The following BICC1 variants were observed in gnomAD, a reference collection of about 807,000 sequenced individuals.
BICC1 encodes the protein protein bicaudal C homolog 1.
In BICC1, 43 loss-of-function variants were observed where a neutral mutation model predicts 111.0. That is an observed-to-expected ratio of 0.39 (90% confidence interval 0.30 to 0.50). The LOEUF (loss-of-function observed/expected upper bound fraction) is 0.50, where lower values mean the gene tolerates loss of function less well. Ranked by LOEUF, BICC1 falls within the 20% of genes least tolerant of loss-of-function variation. BICC1 has a pLI of 0.88. For synonymous variants in BICC1, 467 were observed against 434.4 expected (o/e 1.07, Z -0.93); for missense variants, 1,091 against 1,203.2 (o/e 0.91, Z 1.38).
chr10:58,696,120 A>G (rs1840057803), intron 2 of BICC1, among the ~76,000 whole-genome samples: 1 of 152,170 alleles, frequency 6.6e-6, no homozygotes, highest in Non-Finnish European at 1.5e-5. Flanking sequence ...CTGAAAAGAA[A>G]ACAGGTACAT....
intron 1 of BICC1, among the ~76,000 whole-genome samples, chr10:58,530,416 G>C (rs937659135): frequency 3.3e-5 from 5 of 151,806 alleles, no homozygotes; most frequent in Non-Finnish European, 7.4e-5. Flanking sequence ...CCCTCCTTGA[G>C]GAGAGTCAAG....
In BICC1 at chr10:58,588,725, A is replaced by T. The variant is rs575933776; in HGVS notation, c.191-32130A>T. The stretch of plus-strand genomic sequence containing the variant: ...TGTGGCTTTAAGGTAGTAAAAACGC[A>T]TCCCTATGTTGCTTTGAGTATACAA... On this transcript the variant is annotated intron_variant, in intron 1 of 20. Coordinates refer to ENST00000373886, the MANE Select transcript of BICC1 (RefSeq NM_001080512.3). 4.6e-5 allele frequency among the ~76,000 whole-genome samples: 7 copies of T among 152,276 alleles called. No homozygotes were observed. In the South Asian group the frequency reaches 1.5e-3, roughly 32 times the overall value.
chr10:58,734,873 CAGAA>C (rs944284494), intron 3 of BICC1, among the ~76,000 whole-genome samples: 1 of 152,144 alleles, frequency 6.6e-6, no homozygotes, highest in African/African-American at 2.4e-5. Flanking sequence ...GCAAGAGCAG[CAGAA>C]AGAGTCAGCC....
intron 1 of BICC1, among the ~76,000 whole-genome samples, chr10:58,590,728 A>G (rs1844586683): frequency 6.6e-6 from 1 of 152,172 alleles, no homozygotes; most frequent in African/African-American, 2.4e-5. Flanking sequence ...AAGTGGCTTC[A>G]CTTACCTCAG....
intron 3 of BICC1, among the ~76,000 whole-genome samples, chr10:58,763,944 G>A (rs1312378675): frequency 6.6e-6 from 1 of 152,100 alleles, no homozygotes; most frequent in East Asian, 1.9e-4. Flanking sequence ...AAGAGCAGAG[G>A]CAGAGAAGAC....
At chr10:58,543,738 C>A (rs1392556676) in intron 1 of BICC1, among the ~76,000 whole-genome samples, 1 of 150,970 alleles carries the variant, frequency 6.6e-6, no homozygotes, top group African/African-American at 2.4e-5. Context: ...GAACTTCTGG[C>A]CTCAAGCGAT....
At chr10:58,650,336 T>G (rs2132247690) in intron 2 of BICC1, 1 of 152,324 alleles carries the variant, frequency 6.6e-6, no homozygotes, top group East Asian at 1.9e-4. Context: ...GTGTTACATT[T>G]CACTGGACTG....
intron 1 of BICC1, among the ~76,000 whole-genome samples, chr10:58,554,794 A>T: frequency 6.9e-6 from 1 of 144,702 alleles, no homozygotes; most frequent in African/African-American, 2.5e-5. Context: ...CTTACATTTG[A>T]TTTTTTTTTT....
upstream of BICC1, among the ~76,000 whole-genome samples, chr10:58,512,433 C>G (rs901313922): frequency 6.6e-6 from 1 of 152,114 alleles, no homozygotes; most frequent in African/African-American, 2.4e-5. Context: ...ATGTAAACAG[C>G]GGAATTGTGT....
intron 20 of BICC1, among the ~76,000 whole-genome samples, chr10:58,827,970 A>G (rs1398864862): frequency 6.6e-6 from 1 of 152,186 alleles, no homozygotes; most frequent in South Asian, 2.1e-4. Context: ...CTTAATGAAT[A>G]AGTAAATATA....
chr10:58,736,513 G>A (rs888974059), intron 3 of BICC1, among the ~76,000 whole-genome samples: 3 of 152,118 alleles, frequency 2.0e-5, no homozygotes, highest in Non-Finnish European at 2.9e-5. Flanking sequence ...TCTAAGGTGA[G>A]TCATCAGAGG....
At chr10:58,817,018 T>C (rs1844115803) in intron 18 of BICC1, among the ~76,000 whole-genome samples, 1 of 152,100 alleles carries the variant, frequency 6.6e-6, no homozygotes, top group African/African-American at 2.4e-5. Context: ...TACATTACTA[T>C]TAATCTTGGA....
chr10:58,594,647 A>G (rs1844751481), intron 1 of BICC1, among the ~76,000 whole-genome samples: 1 of 152,220 alleles, frequency 6.6e-6, no homozygotes, highest in Non-Finnish European at 1.5e-5. Flanking sequence ...TGAAGGAGAA[A>G]TAAAATCCTT....
At chr10:58,527,871 T>A (rs1183724573) in intron 1 of BICC1, among the ~76,000 whole-genome samples, 1 of 151,876 alleles carries the variant, frequency 6.6e-6, no homozygotes, top group Non-Finnish European at 1.5e-5. Flanking sequence ...AGAATGCAGG[T>A]GTTGCAAAGC....
At chr10:58,766,564 G>T (rs1437461317) in intron 3 of BICC1, among the ~76,000 whole-genome samples, 1 of 152,120 alleles carries the variant, frequency 6.6e-6, no homozygotes, top group South Asian at 2.1e-4. Context: ...TAGCAGAATA[G>T]AAGTTTTCTA....
In BICC1 at chr10:58,824,160, G is replaced by A. The variant is rs1844329512; in HGVS notation, c.2794+3692G>A. 9 of 924,030 alleles carry A rather than the reference G, an allele frequency of 9.7e-6. No individual in the cohort carries two copies. The South Asian group carries it at 4.0e-4, about 41-fold the overall frequency. 57.2% of individuals were successfully genotyped at this position (924,030 alleles called of 1,614,324 possible). A position where few individuals can be genotyped will look rare whatever the true frequency, so the allele number is the denominator to read the frequency against. ...TGCCTTGGTTGGTCTTCTCTGTCCAGTGGGTCACTGAAGGCCAGTGCTCAG... is the reference window on the plus strand; with the variant it reads ...TGCCTTGGTTGGTCTTCTCTGTCCAATGGGTCACTGAAGGCCAGTGCTCAG... On this transcript the variant is annotated intron_variant, in intron 20 of 20. Transcript: ENST00000373886.
chr10:58,811,602 T>C (rs1843906930), intron 17 of BICC1, among the ~76,000 whole-genome samples: 1 of 152,116 alleles, frequency 6.6e-6, no homozygotes, highest in Admixed American at 6.5e-5. Flanking sequence ...AAGCACCTTA[T>C]GTGTTCCAGA....
At chr10:58,723,711 T>G (rs1330931776) in intron 3 of BICC1, among the ~76,000 whole-genome samples, 1 of 152,190 alleles carries the variant, frequency 6.6e-6, no homozygotes, top group Non-Finnish European at 1.5e-5. Flanking sequence ...ATGTGTTCTC[T>G]AGCTTGTTGC....
chr10:58,766,890 C>T (rs1473207857), intron 3 of BICC1, among the ~76,000 whole-genome samples: 1 of 150,232 alleles, frequency 6.7e-6, no homozygotes, highest in Non-Finnish European at 1.5e-5. Flanking sequence ...CTTTTTTGAC[C>T]CACCGAGAAC....
Sources: allele counts gnomAD v4.1 joint callset (sites outside exome capture counted in the v4.1 genomes callset), GRCh38; gene constraint gnomAD v4.1.1; transcripts MANE v1.5; gene names NCBI Gene and HGNC (gene_info 2026-07-23, HGNC 2026-07-21).